DNAH8: variants seen among roughly 807,000 people sequenced by gnomAD.
The protein encoded by DNAH8 is axonemal beta dynein heavy chain 8.
In DNAH8, 382 loss-of-function variants were observed where a neutral mutation model predicts 562.1. The observed-to-expected ratio is 0.68, with a 90% CI of 0.63 to 0.74. DNAH8 has a LOEUF of 0.74. Among genes scored for constraint, DNAH8 ranks in the 30% least tolerant of loss-of-function variants. The probability of loss-of-function intolerance (pLI) is 0.00; values close to 1 mark genes in which losing one functional copy is unlikely to be tolerated. For missense variants in DNAH8, 5,203 were observed against 5,620.4 expected (o/e 0.93, Z 2.37); for synonymous variants, 1,881 against 1,919.4 (o/e 0.98, Z 0.52).
At chr6:38,982,684 G>C (rs79910731) in intron 86 of DNAH8, among the ~76,000 whole-genome samples, 1 of 152,042 alleles carries the variant, frequency 6.6e-6, no homozygotes, top group African/African-American at 2.4e-5. Flanking sequence ...GCAAAATACC[G>C]CAGCCTTCCT....
Position 38,908,043 on chromosome 6 carries a change from C to T in DNAH8, c.9436C>T (p.Pro3146Ser). ...VMKRELPRHP[P>S]TFDNLYEYFI... ...GAAGAGGGAGCTACCTCGCCATCCT[C>T]CTACCTTTGATAATTTGTATGAATA... Residue 3146 changes from proline to serine, a missense_variant, in exon 64 of 93, where the codon CCT becomes TCT. Physicochemically the swap from Pro to Ser is moderately conservative, Grantham distance 74. Transcript: ENST00000327475. The T allele has an allele frequency of 6.2e-7, 1 of 1,612,168 alleles. No homozygotes were observed. Among genetic ancestry groups the T allele is most frequent in the Non-Finnish European group, 8.5e-7 (1 of 1,179,002 alleles).
rs180677647 is a variant in DNAH8 at position 38,766,022 on chromosome 6, A to G, written c.1617+4219A>G. ...AAGAGATATCTGCATTCTTATATTCATTGCAACATTATTCACAATAGCCAA... is the reference window on the plus strand; with the variant it reads ...AAGAGATATCTGCATTCTTATATTCGTTGCAACATTATTCACAATAGCCAA... On this transcript the variant is annotated intron_variant, in intron 11 of 92. Transcript: ENST00000327475. 1.6e-3 allele frequency among the ~76,000 whole-genome samples: 244 copies of G among 152,302 alleles called. 1 individual carries two copies. The highest frequency in any genetic ancestry group is 2.3e-3 in the South Asian group (11 of 4,820).
intron 23 of DNAH8, among the ~76,000 whole-genome samples, chr6:38,805,964 G>C (rs1282550154): frequency 6.6e-6 from 1 of 152,214 alleles, no homozygotes; most frequent in Admixed American, 6.5e-5. Flanking sequence ...TGCAAGTCCA[G>C]ATTGTGGTTC....
chr6:38,889,696 TC>T (rs1583284539), intron 57 of DNAH8, among the ~76,000 whole-genome samples: 2 of 152,168 alleles, frequency 1.3e-5, no homozygotes, highest in African/African-American at 4.8e-5. Flanking sequence ...AACATGGTTG[TC>T]CCACAGGAAG....
intron 6 of DNAH8, 112 bp downstream of exon 6, chr6:38,737,368 A>G: frequency 1.7e-6 from 1 of 587,238 alleles, no homozygotes; most frequent in Non-Finnish European, 2.6e-6. Context: ...CCAAGTAATT[A>G]TGAGACTTAG....
intron 91 of DNAH8, among the ~76,000 whole-genome samples, chr6:39,020,895 C>T (rs1432186984): frequency 6.6e-6 from 1 of 152,166 alleles, no homozygotes; most frequent in African/African-American, 2.4e-5. Flanking sequence ...ATATGTACCA[C>T]ATTTACTTTA....
Position 38,832,369 on chromosome 6 carries a change from CAA to C in DNAH8, c.4237_4238del (p.Asn1413SerfsTer3). The C allele has an allele frequency of 6.2e-7, 1 of 1,613,798 alleles. No individual in the cohort carries two copies. Among genetic ancestry groups the C allele is most frequent in the Non-Finnish European group, 8.5e-7 (1 of 1,179,810 alleles). On this transcript the variant is annotated frameshift_variant, in exon 31 of 93. Transcript: ENST00000327475. LOFTEE classifies it high-confidence loss of function. ...LVQVQPKFKSNLLESVEVFRE... is the reference protein window; with the variant it reads ...LVQVQPKFKSXLLESVEVFRE... ...TTCAAGTGCAGCCAAAGTTTAAAAG[CAA>C]TCTACTTGAGTCTGTGGAAGTTTTT...
At chr6:38,848,824 C>G in intron 37 of DNAH8, 23 bp downstream of exon 37, 1 of 1,607,642 alleles carries the variant, frequency 6.2e-7, no homozygotes, top group Non-Finnish European at 8.5e-7. Flanking sequence ...TTTGTAATTA[C>G]TGATAAAATA....
chr6:38,781,119 C>A, intron 15 of DNAH8, 135 bp from the exon 16 acceptor site: 2 of 831,506 alleles, frequency 2.4e-6, no homozygotes, highest in Non-Finnish European at 3.7e-6. Flanking sequence ...CTTGGATGTG[C>A]ATTTACATAT....
At chr6:38,787,099 C>A (rs983623582) in intron 18 of DNAH8, 147 bp downstream of exon 18, 3 of 407,632 alleles carry the variant, frequency 7.4e-6, no homozygotes, top group Non-Finnish European at 1.2e-5. Context: ...AATTAAAATA[C>A]TGACTTGCAA....
intron 36 of DNAH8, among the ~76,000 whole-genome samples, chr6:38,847,162 C>T (rs903232072): frequency 6.6e-6 from 1 of 152,076 alleles, no homozygotes; most frequent in Non-Finnish European, 1.5e-5. Context: ...CCTGGTGGAT[C>T]CCTGATTCCA....
chr6:38,961,551 G>A (rs1762603835), intron 82 of DNAH8, among the ~76,000 whole-genome samples: 1 of 151,820 alleles, frequency 6.6e-6, no homozygotes, highest in South Asian at 2.1e-4. Flanking sequence ...GAAAGATGCA[G>A]GATTAAGAAA....
At chr6:38,791,797 TG>T in intron 21 of DNAH8, 123 bp downstream of exon 21, 1 of 969,792 alleles carries the variant, frequency 1.0e-6, no homozygotes, top group Non-Finnish European at 1.5e-6. Context: ...TTTTGTTTTT[TG>T]TGAACATTCT....
intron 13 of DNAH8, among the ~76,000 whole-genome samples, chr6:38,776,417 C>A (rs1562744226): frequency 6.6e-6 from 1 of 152,176 alleles, no homozygotes; most frequent in East Asian, 1.9e-4. Context: ...AGGGTTTCGC[C>A]ATGTTGGCCA....
At chr6:38,987,128 T>C (rs945385363) in intron 87 of DNAH8, among the ~76,000 whole-genome samples, 2 of 152,202 alleles carry the variant, frequency 1.3e-5, no homozygotes, top group Admixed American at 6.5e-5. Flanking sequence ...GGATCTGGAA[T>C]TCTTCAGCAT....
intron 82 of DNAH8, among the ~76,000 whole-genome samples, chr6:38,956,197 G>GC (rs1762234381): frequency 6.6e-6 from 1 of 152,178 alleles, no homozygotes; most frequent in East Asian, 1.9e-4. Context: ...GGGAGTCTGA[G>GC]CCTCCATGAA....
intron 18 of DNAH8, among the ~76,000 whole-genome samples, chr6:38,787,636 C>T (rs1769295378): frequency 7.2e-6 from 1 of 138,962 alleles, no homozygotes; most frequent in Non-Finnish European, 1.5e-5. Flanking sequence ...GTGGAGGTTG[C>T]AGTGAGCCGA....
At chr6:38,867,300 A>T (rs1777112816) in intron 47 of DNAH8, among the ~76,000 whole-genome samples, 1 of 151,778 alleles carries the variant, frequency 6.6e-6, no homozygotes, top group East Asian at 1.9e-4. Flanking sequence ...TTCCATCACC[A>T]CAAGGTTCCC....
chr6:38,826,739 G>C (rs1773360993), intron 29 of DNAH8, among the ~76,000 whole-genome samples: 1 of 152,142 alleles, frequency 6.6e-6, no homozygotes, highest in African/African-American at 2.4e-5. Context: ...CAAGATCTTT[G>C]GCTTGCCTTA....
Sources: allele counts gnomAD v4.1 joint callset (sites outside exome capture counted in the v4.1 genomes callset), GRCh38; gene constraint gnomAD v4.1.1; transcripts MANE v1.5; gene names NCBI Gene and HGNC (gene_info 2026-07-23, HGNC 2026-07-21).